Variants in RICTOR observed in about 807,000 individuals in gnomAD.
RICTOR encodes rapamycin-insensitive companion of mTOR.
A neutral mutation model predicts 214.9 loss-of-function variants in RICTOR; 49 were observed. The observed-to-expected ratio is 0.23, with a 90% confidence interval of 0.18 to 0.29. The LOEUF (loss-of-function observed/expected upper bound fraction) is 0.29. Among genes scored for constraint, RICTOR ranks in the 10% least tolerant of loss-of-function variants. The pLI, the probability that RICTOR is intolerant of heterozygous loss-of-function variation, is 1.00. For missense variants in RICTOR, 1,625 were observed against 2,047.0 expected (o/e 0.79, Z 3.98); for synonymous variants, 717 against 711.3 (o/e 1.01, Z -0.13).
intron 22 of RICTOR, 23 bp from the exon 23 acceptor site, chr5:38,958,854 TAA>T (rs111518093): frequency 4.4e-5 from 55 of 1,247,432 alleles, no homozygotes; most frequent in South Asian, 1.2e-4. Context: ...ATGAATACAT[TAA>T]AAAAAAAAAA....
At chr5:39,069,464 C>G (rs1759151073) in intron 2 of RICTOR, among the ~76,000 whole-genome samples, 1 of 152,070 alleles carries the variant, frequency 6.6e-6, no homozygotes, top group Admixed American at 6.5e-5. Flanking sequence ...GAAGCATAAA[C>G]GTTTTTCCAA....
At chr5:39,068,427 A>G (rs1157882232) in intron 2 of RICTOR, among the ~76,000 whole-genome samples, 9 of 152,210 alleles carry the variant, frequency 5.9e-5, no homozygotes, top group Admixed American at 5.9e-4. Context: ...AGGCAGATAT[A>G]TTGAGATGTG....
chr5:38,941,462 A>C lies in RICTOR; in HGVS notation c.*842T>G, dbSNP rs1747564728. Reference sequence around the variant, plus strand: ...AGGTCTAAACTAACAGTGCTTGTTCAAGTTCCTGTTTAAAGCGATGAGATG... The same window carrying C: ...AGGTCTAAACTAACAGTGCTTGTTCCAGTTCCTGTTTAAAGCGATGAGATG... On this transcript the variant is annotated 3_prime_UTR_variant, in exon 38 of 38. Coordinates refer to ENST00000357387, the MANE Select transcript of RICTOR (RefSeq NM_152756.5). 8.6e-6 allele frequency: 2 copies of C among 231,698 alleles called. No homozygotes were observed. The highest frequency in any genetic ancestry group is 1.7e-5 in the Non-Finnish European group (2 of 116,952). The allele number at this position is 231,698 out of a possible 1,614,324, so 14.4% of individuals were successfully genotyped here.
chr5:38,948,275 A>T (rs1459340876), intron 31 of RICTOR, among the ~76,000 whole-genome samples: 4 of 152,158 alleles, frequency 2.6e-5, no homozygotes, highest in African/African-American at 9.7e-5. Flanking sequence ...TATTAAATCA[A>T]ATAATTATTT....
At chr5:38,957,989 G>A (rs1004260198) in intron 24 of RICTOR, among the ~76,000 whole-genome samples, 1 of 152,150 alleles carries the variant, frequency 6.6e-6, no homozygotes, top group African/African-American at 2.4e-5. Context: ...TGTAATTCCA[G>A]CACTGTGGGA....
chr5:39,044,360 C>T (rs1364414138), intron 2 of RICTOR, among the ~76,000 whole-genome samples: 1 of 152,068 alleles, frequency 6.6e-6, no homozygotes, highest in Non-Finnish European at 1.5e-5. Context: ...CAAGACTATG[C>T]TTCTTAAATT....
chr5:39,073,485 T>C (rs1055978725), intron 2 of RICTOR, among the ~76,000 whole-genome samples: 49 of 152,290 alleles, frequency 3.2e-4, no homozygotes, highest in African/African-American at 1.2e-3. Context: ...GGGCGGTCTT[T>C]AGCCAACTAC....
chr5:38,955,966 A>T (rs1749226990), intron 25 of RICTOR, among the ~76,000 whole-genome samples: 1 of 152,016 alleles, frequency 6.6e-6, no homozygotes. Context: ...TGCCAGTTCA[A>T]CATATTGAAA....
chr5:39,074,180 C>G lies in RICTOR; in HGVS notation c.50-22G>C, dbSNP rs1439056209. On this transcript the variant is annotated intron_variant, in intron 1 of 37. Coordinates refer to ENST00000357387, the MANE Select transcript of RICTOR (RefSeq NM_152756.5). ...CGCCCTGCGCGAAACAGACACACAG[C>G]CCCAATTAGGATTGGCTCGCAGGCC... The G allele has an allele frequency of 1.9e-6, 3 of 1,592,578 alleles. No individual in the cohort carries two copies. In the African/African-American group the frequency reaches 4.1e-5, roughly 22 times the overall value.
chr5:38,943,203 T>G, intron 36 of RICTOR: 1 of 390,038 alleles, frequency 2.6e-6, no homozygotes, highest in East Asian at 3.9e-5. Context: ...ATACTTCTTG[T>G]AAAATTGAAG....
chr5:38,995,818 T>A (rs1379526524), intron 6 of RICTOR, among the ~76,000 whole-genome samples: 1 of 152,104 alleles, frequency 6.6e-6, no homozygotes, highest in East Asian at 1.9e-4. Context: ...ATTTGAAAAG[T>A]CAAATTACAA....
At chr5:39,050,280 T>G (rs1455023885) in intron 2 of RICTOR, among the ~76,000 whole-genome samples, 4 of 151,932 alleles carry the variant, frequency 2.6e-5, no homozygotes. Context: ...TCAGGAAAAT[T>G]TGAGCACTGA....
In RICTOR at chr5:38,942,272, A is replaced by G; in HGVS notation, c.*32T>C. On this transcript the variant is annotated 3_prime_UTR_variant, in exon 38 of 38. Coordinates refer to ENST00000357387, the MANE Select transcript of RICTOR (RefSeq NM_152756.5). ...GAAATCCACAAATATGAATATATATAGTATGTATCTATATCCATCATAAAT... is the reference window on the plus strand; with the variant it reads ...GAAATCCACAAATATGAATATATATGGTATGTATCTATATCCATCATAAAT... 7.9e-7 allele frequency: 1 copy of G among 1,269,022 alleles called. No homozygotes were observed. Among genetic ancestry groups the G allele is most frequent in the Non-Finnish European group, 1.1e-6 (1 of 886,036 alleles). The allele number at this position is 1,269,022 out of a possible 1,614,324, so 78.6% of individuals were successfully genotyped here.
chr5:39,062,470 A>G (rs1758611851), intron 2 of RICTOR, among the ~76,000 whole-genome samples: 1 of 151,866 alleles, frequency 6.6e-6, no homozygotes, highest in Non-Finnish European at 1.5e-5. Context: ...TGTGGTAAAC[A>G]TTAGAAAGTG....
At chr5:38,946,371 T>C in intron 33 of RICTOR, 97 bp downstream of exon 33, 1 of 744,262 alleles carries the variant, frequency 1.3e-6, no homozygotes, top group Admixed American at 2.2e-5. Flanking sequence ...CAAAAGTGAG[T>C]CTTCCTAAAT....
At chr5:39,050,767 A>C (rs1757781843) in intron 2 of RICTOR, among the ~76,000 whole-genome samples, 1 of 152,198 alleles carries the variant, frequency 6.6e-6, no homozygotes, top group Non-Finnish European at 1.5e-5. Flanking sequence ...GATTTGCTTC[A>C]AAATGACCCA....
chr5:38,982,500 C>T (rs540184196), intron 7 of RICTOR, among the ~76,000 whole-genome samples: 42 of 152,200 alleles, frequency 2.8e-4, no homozygotes, highest in African/African-American at 8.4e-4. Flanking sequence ...TATTTGCATA[C>T]GTGCATGTGT....
At position 38,960,496 on chromosome 5, in the gene RICTOR, T is replaced by C. The variant is rs1450418574; in HGVS notation, c.1753A>G (p.Ser585Gly). Residue 585 changes from serine (S) to glycine (G), a missense_variant, in exon 20 of 38, where the codon AGT (serine) becomes GGT (glycine). Ser to Gly is a moderately conservative substitution (Grantham distance 56, BLOSUM62 0). Around this residue, in one of 5 missense-constraint regions of RICTOR, gnomAD observed 1,214 missense variants for 1,470.5 expected, o/e 0.83. Transcript: ENST00000357387. ...RRLLYFYKPSSKLYANLDLDF... is the reference protein window; with the variant it reads ...RRLLYFYKPSGKLYANLDLDF... ...AGATCCAGGTTGGCATATAATTTAC[T>C]GCTGGGCTTGTAAAAATAAAGTAGT... is the stretch of plus-strand genomic sequence containing the variant. 10 of 1,613,708 alleles carry C rather than the reference T, an allele frequency of 6.2e-6. No individual in the cohort carries two copies. The highest frequency in any genetic ancestry group is 8.5e-6 in the Non-Finnish European group (10 of 1,179,740).
At chr5:39,052,701 C>G (rs1222825286) in intron 2 of RICTOR, among the ~76,000 whole-genome samples, 1 of 152,166 alleles carries the variant, frequency 6.6e-6, no homozygotes, top group Non-Finnish European at 1.5e-5. Flanking sequence ...AAGTAGTCCT[C>G]TTAATACTGT....
Sources: allele counts gnomAD v4.1 joint callset (sites outside exome capture counted in the v4.1 genomes callset), GRCh38; gene constraint gnomAD v4.1.1; regional missense constraint gnomAD v4.1.1; transcripts MANE v1.5; gene names NCBI Gene and HGNC (gene_info 2026-07-23, HGNC 2026-07-21).